ASNS: variants seen among roughly 807,000 people sequenced by gnomAD.
ASNS encodes asparagine synthetase [glutamine-hydrolyzing].
A neutral mutation model predicts 62.6 loss-of-function variants in ASNS; 37 were observed. That is an observed-to-expected ratio of 0.59 (90% CI 0.45 to 0.78). ASNS has a LOEUF of 0.78. ASNS is among the 30% of genes least tolerant of loss of function. The probability of loss-of-function intolerance (pLI) is 0.00; values close to 1 mark genes in which losing one functional copy is unlikely to be tolerated. For missense variants in ASNS, 520 were observed against 682.4 expected (o/e 0.76, Z 2.65); for synonymous variants, 207 against 237.9 (o/e 0.87, Z 1.19).
the ASNS span, chr7:97,906,815 C>T: frequency 6.6e-6 from 1 of 152,052 alleles, no homozygotes; most frequent in East Asian, 1.9e-4. Context: ...AGACCCAGGA[C>T]AGCCAATGAT....
the ASNS span, among the ~76,000 whole-genome samples, chr7:97,897,652 T>C: frequency 6.6e-6 from 1 of 152,236 alleles, no homozygotes; most frequent in Non-Finnish European, 1.5e-5. Context: ...TGTATATTGT[T>C]GGTGGGAATG....
chr7:97,878,696 A>G, the ASNS span, among the ~76,000 whole-genome samples: 1 of 152,230 alleles, frequency 6.6e-6, no homozygotes, highest in African/African-American at 2.4e-5. Flanking sequence ...AAGAATCAAT[A>G]TTGTGAAAAT....
At chr7:97,872,557 A>C (rs1013985923), upstream of ASNS, 4 of 152,362 alleles carry the variant, frequency 2.6e-5, no homozygotes, top group Admixed American at 2.6e-4. Context: ...GGGGCGGCGG[A>C]AGGGCGCAAG....
At chr7:97,891,812 C>G in the ASNS span, among the ~76,000 whole-genome samples, 4 of 152,180 alleles carry the variant, frequency 2.6e-5, no homozygotes, top group Non-Finnish European at 5.9e-5. Context: ...TGGGTTTAAA[C>G]CCCCTCCTGG....
the ASNS span, among the ~76,000 whole-genome samples, chr7:97,888,548 C>A: frequency 6.6e-6 from 1 of 152,178 alleles, no homozygotes; most frequent in African/African-American, 2.4e-5. Flanking sequence ...CAGAGGTTAT[C>A]TAGACCAAAA....
chr7:97,927,122 G>A, the ASNS span, among the ~76,000 whole-genome samples: 1 of 113,052 alleles, frequency 8.8e-6, no homozygotes, highest in Admixed American at 1.4e-4. Context: ...GCTTCACCAT[G>A]TTGCCCAGGC....
At chr7:97,897,299 G>A in the ASNS span, among the ~76,000 whole-genome samples, 2 of 152,202 alleles carry the variant, frequency 1.3e-5, no homozygotes, top group East Asian at 1.9e-4. Flanking sequence ...CTATAAAAAC[G>A]CTGAAGACAA....
chr7:97,883,692 A>C, the ASNS span, among the ~76,000 whole-genome samples: 1 of 152,180 alleles, frequency 6.6e-6, no homozygotes. Context: ...GTCGGTTAAC[A>C]ATGATAAAAG....
intron 4 of ASNS, 131 bp from the exon 5 acceptor site, chr7:97,859,529 T>A (rs1332450214): frequency 1.0e-6 from 1 of 985,782 alleles, no homozygotes; most frequent in African/African-American, 1.7e-5. Flanking sequence ...ATAAGCAAAA[T>A]AGGAAAAAAA....
At chr7:97,875,755 C>T (rs554523699), upstream of ASNS, among the ~76,000 whole-genome samples, 1 of 152,316 alleles carries the variant, frequency 6.6e-6, no homozygotes, top group African/African-American at 2.4e-5. Context: ...CTAGATATTA[C>T]ACAGAAGGCC....
chr7:97,920,210 G>T, the ASNS span, among the ~76,000 whole-genome samples: 2 of 152,046 alleles, frequency 1.3e-5, no homozygotes, highest in African/African-American at 2.4e-5. Flanking sequence ...CACCATGTTG[G>T]CCAGGCTAGT....
At chr7:97,862,768 C>CAA (rs528357189) in intron 4 of ASNS, among the ~76,000 whole-genome samples, 40 of 129,312 alleles carry the variant, frequency 3.1e-4, no homozygotes, top group African/African-American at 1.1e-3. Flanking sequence ...TAAAACTGCT[C>CAA]AAAAAAAAAA....
At chr7:97,883,032 A>G in the ASNS span, among the ~76,000 whole-genome samples, 3 of 152,206 alleles carry the variant, frequency 2.0e-5, no homozygotes, top group Admixed American at 2.0e-4. Context: ...GCTGGGAGTC[A>G]ACCTCCTGCA....
the ASNS span, among the ~76,000 whole-genome samples, chr7:97,878,744 A>T: frequency 6.6e-6 from 1 of 152,226 alleles, no homozygotes; most frequent in Non-Finnish European, 1.5e-5. Flanking sequence ...ATTCAATGCC[A>T]TCCCCATCAA....
At chr7:97,886,679 C>T in the ASNS span, among the ~76,000 whole-genome samples, 5 of 151,990 alleles carry the variant, frequency 3.3e-5, no homozygotes, top group Non-Finnish European at 4.4e-5. Context: ...GAAAACAAGA[C>T]GTGGGGCTGC....
the ASNS span, among the ~76,000 whole-genome samples, chr7:97,879,652 A>G: frequency 6.6e-6 from 1 of 152,180 alleles, no homozygotes; most frequent in Non-Finnish European, 1.5e-5. Context: ...CCAGATGAGA[A>G]GGGAAGCAGA....
the ASNS span, among the ~76,000 whole-genome samples, chr7:97,907,562 A>G: frequency 2.0e-5 from 3 of 152,106 alleles, no homozygotes; most frequent in African/African-American, 2.4e-5. Flanking sequence ...AGGTCAGGAG[A>G]TCGAGACCAT....
At chr7:97,919,158 T>A in the ASNS span, among the ~76,000 whole-genome samples, 2 of 152,030 alleles carry the variant, frequency 1.3e-5, no homozygotes, top group African/African-American at 2.4e-5. Flanking sequence ...TCCTCCTCAC[T>A]GCAACCTCCT....
chr7:97,923,872 C>T, the ASNS span, among the ~76,000 whole-genome samples: 57 of 152,334 alleles, frequency 3.7e-4, no homozygotes, highest in Admixed American at 2.0e-3. Context: ...ACATCAACAC[C>T]GTCATGTGAG....
Sources: gnomAD v4.1 joint callset for allele counts (sites outside exome capture counted in the v4.1 genomes callset) on GRCh38, gnomAD v4.1.1 for gene constraint, MANE v1.5 for transcripts, NCBI Gene and HGNC (gene_info 2026-07-23, HGNC 2026-07-21) for gene names.